The following EREG variants were observed in gnomAD, a reference collection of about 807,000 sequenced individuals.
The protein encoded by EREG is proepiregulin.
In EREG, 23 loss-of-function variants were observed where a neutral mutation model predicts 22.4. That is an observed-to-expected ratio of 1.03 (90% CI 0.74 to 1.46). EREG has a LOEUF of 1.46. Among genes scored for constraint, EREG ranks in the 40% most tolerant of loss-of-function variants. The pLI is 0.00. For missense variants in EREG, 226 were observed against 205.9 expected, an observed-to-expected ratio of 1.10 and a Z score of -0.60; for synonymous variants, 100 against 75.4, an observed-to-expected ratio of 1.33 and a Z score of -1.69.
rs141527002 is a variant in EREG, at chr4:74,379,461, A to G, written c.81A>G (p.Leu27=). 380 of 1,605,606 alleles carry G rather than the reference A, an allele frequency of 2.4e-4. 2 individuals carry two copies. The South Asian group carries it at 2.8e-3, about 12-fold the overall frequency. Residue 27 remains leucine (L), a synonymous_variant, in exon 2 of 5, where the codon CTA becomes CTG. Coordinates refer to ENST00000244869, the MANE Select transcript of EREG (RefSeq NM_001432.3). ...ALLLCLGFHL[L]QAVLSTTVIP... ...CTTCATAAATAGGTTTCCATCTTCT[A>G]CAGGCAGTCCTCAGTACAACTGTGA...
In EREG at chr4:74,387,616, G is replaced by C. The variant is rs1752593718; in HGVS notation, c.*2808G>C. 1 of 152,170 alleles carries C rather than the reference G, an allele frequency of 6.6e-6. No homozygotes were observed. The highest frequency in any genetic ancestry group is 2.1e-4 in the South Asian group (1 of 4,830). 9.4% of individuals were successfully genotyped at this position (152,170 alleles called of 1,614,324 possible). ...ATAGTTTTAGTGAGGATGGTGCTGA[G>C]TAAACATAAAAACTGATTTGCTCTC... On this transcript the variant is annotated 3_prime_UTR_variant, in exon 5 of 5. Transcript: ENST00000244869.
At chr4:74,365,460 C>A in intron 1 of EREG, 85 bp downstream of exon 1, 1 of 1,108,100 alleles carries the variant, frequency 9.0e-7, no homozygotes, top group South Asian at 1.3e-5. Context: ...TCGACAAGTA[C>A]GGAGTTGTCT....
In EREG at chr4:74,382,703, C is replaced by A. The variant is rs1329439381; in HGVS notation, c.337C>A (p.Pro113Thr). ...CEHFFLTVHQ[P>T]LSKEYVALTV... Reference sequence around the variant, plus strand: ...ACACTTCTTTTTAACCGTCCACCAACCTTTAAGCAAAGAATATGTGGCTTT... The same window carrying A: ...ACACTTCTTTTTAACCGTCCACCAAACTTTAAGCAAAGAATATGTGGCTTT... The change falls in exon 4 of 5, where the codon CCT (proline) becomes ACT (threonine). Residue 113 changes from proline (P) to threonine (T), a missense_variant. Pro to Thr is a conservative substitution (Grantham distance 38, BLOSUM62 -1). Coordinates refer to ENST00000244869, the MANE Select transcript of EREG (RefSeq NM_001432.3). 3 of 1,613,692 alleles carry A rather than the reference C, an allele frequency of 1.9e-6. No individual in the cohort carries two copies. In the East Asian group the frequency reaches 6.7e-5, roughly 36 times the overall value.
chr4:74,369,117 C>T (rs1442109842), intron 1 of EREG, among the ~76,000 whole-genome samples: 1 of 152,062 alleles, frequency 6.6e-6, no homozygotes, highest in Non-Finnish European at 1.5e-5. Flanking sequence ...TCTCATAAGA[C>T]TCTTAATATA....
intron 1 of EREG, among the ~76,000 whole-genome samples, chr4:74,368,941 C>T (rs145724934): frequency 2.4e-4 from 36 of 152,214 alleles, no homozygotes; most frequent in Admixed American, 3.3e-4. Flanking sequence ...ACATACTCAG[C>T]GTCTTCTGGA....
intron 1 of EREG, among the ~76,000 whole-genome samples, chr4:74,375,509 T>TTTG (rs1752366200): frequency 6.6e-6 from 1 of 150,844 alleles, no homozygotes; most frequent in Non-Finnish European, 1.5e-5. Flanking sequence ...TTTTGTATTT[T>TTTG]TAATAGAGAC....
In EREG at chr4:74,369,822, GA is replaced by G. The variant is rs552209443; in HGVS notation, c.67+4457del. Among the ~76,000 whole-genome samples the G allele has an allele frequency of 1.0e-4, 15 of 143,606 alleles. 1 individual carries two copies. The highest frequency in any genetic ancestry group is 4.4e-4 in the South Asian group (2 of 4,536). The allele number at this position is 143,606 out of a possible 152,430, so 94.2% of individuals were successfully genotyped here. On this transcript the variant is annotated intron_variant, in intron 1 of 4. Transcript: ENST00000244869. The stretch of plus-strand genomic sequence containing the variant: ...TCTCTGAGCCTCAGTTTTCTCATCC[GA>G]AAAAAAAAAGGTTGTCCACAATAAC...
At chr4:74,380,926 A>G (rs1752462567) in intron 2 of EREG, 88 bp from the exon 3 acceptor site, 1 of 1,392,654 alleles carries the variant, frequency 7.2e-7, no homozygotes, top group Non-Finnish European at 9.9e-7. Context: ...TGTTGTGTAG[A>G]AGTAGTTCAG....
In EREG at chr4:74,388,010, A is replaced by C. The variant is rs1302438838; in HGVS notation, c.*3202A>C. The stretch of plus-strand genomic sequence containing the variant: ...TGCTCTAATCTCTCTGCCGAAAGTC[A>C]AAGTGATGGGAGAATTGGTATACTG... On this transcript the variant is annotated 3_prime_UTR_variant, in exon 5 of 5. Transcript: ENST00000244869. 1 of 152,220 alleles carries C rather than the reference A, an allele frequency of 6.6e-6. No homozygotes were observed. Among genetic ancestry groups the C allele is most frequent in the Non-Finnish European group, 1.5e-5 (1 of 68,036 alleles). The allele number at this position is 152,220 out of a possible 1,614,324, so 9.4% of individuals were successfully genotyped here.
In EREG at chr4:74,385,798, T is replaced by C. The variant is rs1157774801; in HGVS notation, c.*990T>C. The C allele has an allele frequency of 7.6e-6, 3 of 395,036 alleles. No individual in the cohort carries two copies. Among genetic ancestry groups the C allele is most frequent in the Non-Finnish European group, 1.3e-5 (3 of 223,798 alleles). 24.5% of individuals were successfully genotyped at this position (395,036 alleles called of 1,614,324 possible). A position where few individuals can be genotyped will look rare whatever the true frequency, so the allele number is the denominator to read the frequency against. On this transcript the variant is annotated 3_prime_UTR_variant, in exon 5 of 5. Coordinates refer to ENST00000244869, the MANE Select transcript of EREG (RefSeq NM_001432.3). ...TCTACATGTTGTCTTAAGATGGAAA[T>C]ACAGTTATTTCATCTTTTATTCAAG...
intron 3 of EREG, 142 bp from the exon 4 acceptor site, chr4:74,382,503 C>A (rs933850630): frequency 1.6e-6 from 1 of 615,748 alleles, no homozygotes; most frequent in Middle Eastern, 4.0e-4. Context: ...CTAACTCAAT[C>A]TTTGAAATCC....
chr4:74,375,184 T>A (rs1752358141), intron 1 of EREG, among the ~76,000 whole-genome samples: 1 of 151,768 alleles, frequency 6.6e-6, no homozygotes, highest in African/African-American at 2.4e-5. Context: ...TGAGGTCCAA[T>A]CATAGAGAAA....
chr4:74,366,172 A>C (rs1217513850), intron 1 of EREG, among the ~76,000 whole-genome samples: 1 of 151,456 alleles, frequency 6.6e-6, no homozygotes, highest in East Asian at 1.9e-4. Flanking sequence ...CCTTTCTGTT[A>C]AAAAAAAATT....
chr4:74,378,384 T>G (rs2110387501), intron 1 of EREG, among the ~76,000 whole-genome samples: 1 of 152,254 alleles, frequency 6.6e-6, no homozygotes, highest in East Asian at 1.9e-4. Flanking sequence ...AAAGACAACC[T>G]TTAGGGTGTA....
In EREG at chr4:74,365,257, G is replaced by T. The variant is rs1283906499; in HGVS notation, c.-52G>T. 5.5e-6 allele frequency: 8 copies of T among 1,462,464 alleles called. No homozygotes were observed. The highest frequency in any genetic ancestry group is 7.6e-6 in the Non-Finnish European group (8 of 1,059,590). 90.6% of individuals were successfully genotyped at this position (1,462,464 alleles called of 1,614,324 possible). Reference sequence around the variant, plus strand: ...GCCCGTCTGCTCCCGCCCTGCCCGTGCACTCTCCGCAGCCGCCCTCCGCCA... The same window carrying T: ...GCCCGTCTGCTCCCGCCCTGCCCGTTCACTCTCCGCAGCCGCCCTCCGCCA... On this transcript the variant is annotated 5_prime_UTR_variant, in exon 1 of 5. Coordinates refer to ENST00000244869, the MANE Select transcript of EREG (RefSeq NM_001432.3).
intron 2 of EREG, 66 bp downstream of exon 2, chr4:74,379,600 A>G: frequency 1.1e-6 from 1 of 936,408 alleles, no homozygotes; most frequent in South Asian, 1.4e-5. Flanking sequence ...TATAAACTCA[A>G]AGACTATAAG....
At chr4:74,382,371 A>G (rs1337145735) in intron 3 of EREG, 4 of 305,046 alleles carry the variant, frequency 1.3e-5, no homozygotes, top group Admixed American at 4.8e-5. Flanking sequence ...GGAATCTCAA[A>G]CCTGTACAAC....
In EREG at chr4:74,382,660, T is replaced by TA; in HGVS notation, c.295dup (p.Thr99AsnfsTer6). ...TTTCCTTCAGGTGTGAAGTGGGTTA[T>TA]ACTGGTGTCCGATGTGAACACTTCT... On this transcript the variant is annotated frameshift_variant, in exon 4 of 5. Coordinates refer to ENST00000244869, the MANE Select transcript of EREG (RefSeq NM_001432.3). LOFTEE classifies it high-confidence loss of function. The TA allele has an allele frequency of 6.2e-7, 1 of 1,608,724 alleles. No homozygotes were observed. Among genetic ancestry groups the TA allele is most frequent in the East Asian group, 2.2e-5 (1 of 44,854 alleles).
At position 74,384,851 on chromosome 4, in the gene EREG, G is replaced by T. The variant is rs1752544264; in HGVS notation, c.*43G>T. ...ATGGGCAGGGATAACAGTGTGCCTG[G>T]TTAATATTAATATTCCCATTTTATT... On this transcript the variant is annotated 3_prime_UTR_variant, in exon 5 of 5. Coordinates refer to ENST00000244869, the MANE Select transcript of EREG (RefSeq NM_001432.3). 8.6e-7 allele frequency: 1 copy of T among 1,168,608 alleles called. No homozygotes were observed. The highest frequency in any genetic ancestry group is 1.3e-6 in the Non-Finnish European group (1 of 786,238). 72.4% of individuals were successfully genotyped at this position (1,168,608 alleles called of 1,614,324 possible).
Sources: gnomAD v4.1 joint callset for allele counts (sites outside exome capture counted in the v4.1 genomes callset) on GRCh38, gnomAD v4.1.1 for gene constraint, MANE v1.5 for transcripts, NCBI Gene and HGNC (gene_info 2026-07-23, HGNC 2026-07-21) for gene names.